The following PPA2 variants were observed in gnomAD, a reference collection of about 807,000 sequenced individuals.
PPA2 encodes inorganic pyrophosphatase 2, also known as inorganic pyrophosphatase 2, mitochondrial.
Under a neutral mutation model 49.5 loss-of-function variants are expected in PPA2, and 48 were observed. The observed-to-expected ratio is 0.97, with a 90% CI of 0.77 to 1.23. The LOEUF (loss-of-function observed/expected upper bound fraction) is 1.23. PPA2 is among the 50% of genes most tolerant of loss of function. The pLI, the probability that PPA2 is intolerant of heterozygous loss-of-function variation, is 0.00. For synonymous variants in PPA2, 131 were observed against 139.9 expected (o/e 0.94, Z 0.45); for missense variants, 429 against 410.1 (o/e 1.05, Z -0.40).
intron 7 of PPA2, among the ~76,000 whole-genome samples, chr4:105,407,315 T>C (rs1722527693): frequency 6.6e-6 from 1 of 152,206 alleles, no homozygotes; most frequent in African/African-American, 2.4e-5. Context: ...AAAAACATTT[T>C]GTTATTTAAG....
At chr4:105,457,096 T>A (rs758869858) in intron 1 of PPA2, among the ~76,000 whole-genome samples, 3 of 152,122 alleles carry the variant, frequency 2.0e-5, no homozygotes, top group Non-Finnish European at 4.4e-5. Flanking sequence ...TGAATTCTAT[T>A]AAAACTGATG....
rs115276743 is a variant in PPA2 at position 105,435,780 on chromosome 4, C to T, written c.528+2170G>A. 6.8e-3 allele frequency among the ~76,000 whole-genome samples: 1,034 copies of T among 152,188 alleles called. 13 individuals carry two copies. The highest frequency in any genetic ancestry group is 0.023 in the African/African-American group (972 of 41,512). The stretch of plus-strand genomic sequence containing the variant: ...ATTCCTTCATGATAAAAACCTTCAA[C>T]GAACTAGGCACTGAAGGAACATACC... On this transcript the variant is annotated intron_variant, in intron 6 of 11. Transcript: ENST00000341695.
chr4:105,453,864 AGCC>A (rs1722768049), intron 2 of PPA2: 2 of 386,210 alleles, frequency 5.2e-6, no homozygotes, highest in South Asian at 2.1e-4. Flanking sequence ...TGATCAGAAA[AGCC>A]AAACCTCTTT....
chr4:105,393,873 C>T (rs551788449), intron 9 of PPA2, among the ~76,000 whole-genome samples: 70 of 152,050 alleles, frequency 4.6e-4, no homozygotes, highest in African/African-American at 1.3e-3. Flanking sequence ...AAACTAACAA[C>T]GCTGAATATA....
At chr4:105,421,397 A>T (rs974855950) in intron 7 of PPA2, among the ~76,000 whole-genome samples, 11 of 152,142 alleles carry the variant, frequency 7.2e-5, no homozygotes, top group Non-Finnish European at 1.3e-4. Context: ...CATTTTATGT[A>T]CTTTTTTTAT....
chr4:105,470,509 A>C (rs1002263804), intron 1 of PPA2, among the ~76,000 whole-genome samples: 1 of 152,238 alleles, frequency 6.6e-6, no homozygotes, highest in Non-Finnish European at 1.5e-5. Flanking sequence ...AACCAAAAAA[A>C]TAAAAATAAA....
intron 4 of PPA2, chr4:105,447,886 A>C (rs1248829332): frequency 5.2e-6 from 1 of 190,540 alleles, no homozygotes; most frequent in Non-Finnish European, 1.1e-5. Context: ...GACATGCACC[A>C]CCATGCAAAA....
intron 7 of PPA2, among the ~76,000 whole-genome samples, chr4:105,400,181 C>A (rs1379019362): frequency 6.6e-6 from 1 of 151,972 alleles, no homozygotes; most frequent in Admixed American, 6.6e-5. Flanking sequence ...TTTATTAGAG[C>A]ATATTAAAAT....
chr4:105,413,507 T>A (rs1722859013), intron 7 of PPA2, among the ~76,000 whole-genome samples: 1 of 152,042 alleles, frequency 6.6e-6, no homozygotes, highest in African/African-American at 2.4e-5. Flanking sequence ...ACATCAAGTT[T>A]GAAAAAGTAG....
intron 7 of PPA2, among the ~76,000 whole-genome samples, chr4:105,413,913 A>G (rs1403123048): frequency 1.3e-5 from 2 of 152,224 alleles, no homozygotes; most frequent in Admixed American, 6.5e-5. Context: ...AAACCTCTGT[A>G]AGCCAAAAGT....
chr4:105,438,338 A>T (rs950187373), intron 5 of PPA2, among the ~76,000 whole-genome samples: 1 of 152,156 alleles, frequency 6.6e-6, no homozygotes, highest in Admixed American at 6.5e-5. Context: ...TCACTTTTAG[A>T]GTTTCAGTGG....
At chr4:105,452,565 T>C (rs1346894743) in intron 3 of PPA2, among the ~76,000 whole-genome samples, 3 of 151,698 alleles carry the variant, frequency 2.0e-5, no homozygotes, top group African/African-American at 7.3e-5. Context: ...CACACCAGCT[T>C]AGAAAAATAG....
intron 10 of PPA2, among the ~76,000 whole-genome samples, chr4:105,377,138 A>G (rs1733286747): frequency 6.6e-6 from 1 of 152,102 alleles, no homozygotes; most frequent in Non-Finnish European, 1.5e-5. Context: ...TAATTCTCAT[A>G]TGTCTAGAAA....
intron 4 of PPA2, among the ~76,000 whole-genome samples, chr4:105,448,369 G>C (rs953317021): frequency 6.6e-6 from 1 of 151,886 alleles, no homozygotes; most frequent in Non-Finnish European, 1.5e-5. Flanking sequence ...ACATAATAAT[G>C]CCTAATTTAA....
chr4:105,396,928 C>T (rs909841184), intron 8 of PPA2, among the ~76,000 whole-genome samples: 2 of 152,040 alleles, frequency 1.3e-5, no homozygotes, highest in East Asian at 1.9e-4. Flanking sequence ...TTTTTTCAAT[C>T]GAAGTAATTT....
At chr4:105,454,368 C>T (rs966766777) in intron 2 of PPA2, among the ~76,000 whole-genome samples, 1 of 152,028 alleles carries the variant, frequency 6.6e-6, no homozygotes, top group South Asian at 2.1e-4. Context: ...CGCTCTGTCG[C>T]CCAGGCTGGT....
chr4:105,473,820 C>G, intron 1 of PPA2, 74 bp downstream of exon 1: 1 of 1,544,346 alleles, frequency 6.5e-7, no homozygotes, highest in Non-Finnish European at 8.8e-7. Flanking sequence ...CGGGGCGTCC[C>G]AAGTGTCCCC....
Position 105,386,460 on chromosome 4 carries a change from T to C in PPA2, c.939+107A>G, listed in dbSNP as rs1733686642. The C allele has an allele frequency of 7.7e-6, 7 of 904,418 alleles. No homozygotes were observed. The South Asian group carries it at 1.4e-4, about 19-fold the overall frequency. The allele number at this position is 904,418 out of a possible 1,614,324, so 56.0% of individuals were successfully genotyped here. A position where few individuals can be genotyped will look rare whatever the true frequency, so the allele number is the denominator to read the frequency against. On this transcript the variant is annotated intron_variant, in intron 10 of 11. Coordinates refer to ENST00000341695, the MANE Select transcript of PPA2 (RefSeq NM_176869.3). Reference sequence around the variant, plus strand: ...TCAAGGTGATCTGTAAACTTTATGCTTCTCAAAAGGACTTGACACATTTCA... The same window carrying C: ...TCAAGGTGATCTGTAAACTTTATGCCTCTCAAAAGGACTTGACACATTTCA...
chr4:105,449,637 G>A (rs1269036551), intron 3 of PPA2, among the ~76,000 whole-genome samples: 2 of 152,178 alleles, frequency 1.3e-5, no homozygotes, highest in Non-Finnish European at 2.9e-5. Flanking sequence ...CAGAGGTTAC[G>A]AGTCTGAGAA....
Sources: gnomAD v4.1 joint callset for allele counts (sites outside exome capture counted in the v4.1 genomes callset) on GRCh38, gnomAD v4.1.1 for gene constraint, MANE v1.5 for transcripts, NCBI Gene and HGNC (gene_info 2026-07-23, HGNC 2026-07-21) for gene names.